RPL18: variants seen among roughly 807,000 people sequenced by gnomAD.
RPL18 encodes ribosomal protein L18.
A neutral mutation model predicts 25.0 loss-of-function variants in RPL18; 4 were observed. The observed-to-expected ratio is 0.16, with a 90% CI of 0.08 to 0.37. The LOEUF is 0.37. Among genes scored for constraint, RPL18 ranks in the 10% least tolerant of loss-of-function variants. RPL18 has a pLI of 1.00. For missense variants in RPL18, 179 were observed against 267.9 expected, an observed-to-expected ratio of 0.67 and a Z score of 2.32; for synonymous variants, 129 against 101.6, an observed-to-expected ratio of 1.27 and a Z score of -1.62.
At chr19:48,619,051 C>G in intron 1 of RPL18, 90 bp downstream of exon 1, 2 of 1,392,028 alleles carry the variant, frequency 1.4e-6, no homozygotes, top group Non-Finnish European at 2.0e-6. Context: ...CAGCCGCAGA[C>G]CCCCTGCCGC....
At chr19:48,617,212 T>C (rs1408877797) in intron 3 of RPL18, 104 bp downstream of exon 3, 1 of 914,422 alleles carries the variant, frequency 1.1e-6, no homozygotes, top group South Asian at 1.3e-5. Flanking sequence ...AGACAAACCC[T>C]TGATGCCCTG....
intron 4 of RPL18, 47 bp downstream of exon 4, chr19:48,616,679 C>T: frequency 7.9e-7 from 1 of 1,272,352 alleles, no homozygotes; most frequent in Non-Finnish European, 1.2e-6. Context: ...CAGCACAGCA[C>T]AGTACAGCAA....
chr19:48,619,044 C>T (rs534494967), intron 1 of RPL18, 97 bp downstream of exon 1: 4 of 1,347,322 alleles, frequency 3.0e-6, no homozygotes, highest in East Asian at 4.9e-5. Context: ...CTCCGGGCAG[C>T]CGCAGACCCC....
chr19:48,616,288 A>G (rs1974169338), intron 4 of RPL18, 86 bp from the exon 5 acceptor site: 1 of 1,549,168 alleles, frequency 6.5e-7, no homozygotes, highest in Non-Finnish European at 8.8e-7. Flanking sequence ...GCCTTGGCGC[A>G]GCAGAGCCCT....
intron 2 of RPL18, 130 bp downstream of exon 2, chr19:48,617,661 T>C: frequency 1.3e-6 from 1 of 743,326 alleles, no homozygotes; most frequent in Non-Finnish European, 2.3e-6. Flanking sequence ...CAGGAGACCC[T>C]GGAACAGAAC....
chr19:48,619,069 C>T (rs919492322), intron 1 of RPL18, 72 bp downstream of exon 1: 7 of 1,539,288 alleles, frequency 4.5e-6, no homozygotes, highest in African/African-American at 4.1e-5. Flanking sequence ...CGCCCTCCAG[C>T]GTGCCCCTAG....
At chr19:48,618,338 G>A (rs1032785026) in intron 1 of RPL18, 1 of 156,318 alleles carries the variant, frequency 6.4e-6, no homozygotes, top group African/African-American at 2.4e-5. Context: ...TTAAAACATC[G>A]TTTTTAAAGT....
intron 1 of RPL18, chr19:48,618,319 A>G (rs1974248299): frequency 6.4e-6 from 1 of 157,070 alleles, no homozygotes; most frequent in Non-Finnish European, 1.4e-5. Context: ...CTTACCAAAT[A>G]GTGTCTTTTT....
At chr19:48,618,787 G>A (rs146455038) in intron 1 of RPL18, 135 of 318,862 alleles carry the variant, frequency 4.2e-4, no homozygotes, top group African/African-American at 2.7e-3. Flanking sequence ...CATCGAACCC[G>A]ACTTTTCATA....
At position 48,619,167 on chromosome 19, in the gene RPL18, G is replaced by A. The variant is rs1334329433; in HGVS notation, c.-24C>T. The A allele has an allele frequency of 3.2e-6, 5 of 1,572,034 alleles. No individual in the cohort carries two copies. The highest frequency in any genetic ancestry group is 1.7e-4 in the Middle Eastern group (1 of 6,008). On this transcript the variant is annotated 5_prime_UTR_variant, in exon 1 of 7. Transcript: ENST00000549920. Reference sequence around the variant, plus strand: ...ATGATGGCGCCTCCTGCTCGGCCAGGTCCGGAAAGAGAGAACGGGCTGGGG... The same window carrying A: ...ATGATGGCGCCTCCTGCTCGGCCAGATCCGGAAAGAGAGAACGGGCTGGGG...
intron 4 of RPL18, 188 bp from the exon 5 acceptor site, chr19:48,616,390 G>A (rs1418561838): frequency 1.4e-6 from 1 of 693,590 alleles, no homozygotes; most frequent in African/African-American, 1.8e-5. Flanking sequence ...CACATCCCTG[G>A]TGTTATGCTA....
rs76204413 is a variant in RPL18 at position 48,618,027 on chromosome 19, C to T, written c.4-150G>A. ...CCACCACCAGGAGACCTGTGGGCTG[C>T]CACTGATCCCTCTGTAAAAAGGGGC... is the stretch of plus-strand genomic sequence containing the variant. On this transcript the variant is annotated intron_variant, in intron 1 of 6. Transcript: ENST00000549920. 75 of 601,936 alleles carry T rather than the reference C, an allele frequency of 1.2e-4. No individual in the cohort carries two copies. The East Asian group carries it at 2.1e-3, about 17-fold the overall frequency. The allele number at this position is 601,936 out of a possible 1,614,324, so 37.3% of individuals were successfully genotyped here.
Position 48,615,903 on chromosome 19 carries a change from G to A in RPL18, c.465C>T (p.Ala155=). Residue 155 remains alanine, a synonymous_variant, in exon 6 of 7, where the codon GCC becomes GCT. Coordinates refer to ENST00000549920, the MANE Select transcript of RPL18 (RefSeq NM_000979.4). ...GREVYRHFGK[A]PGTPHSHTKP... is the part of the protein sequence containing the mutation. ...TGGTGTGGCTGTGCGGGGTTCCTGGGGCCTTGCCGAAATGCCGGTACACCT... is the reference window on the plus strand; with the variant it reads ...TGGTGTGGCTGTGCGGGGTTCCTGGAGCCTTGCCGAAATGCCGGTACACCT... 6.2e-7 allele frequency: 1 copy of A among 1,613,176 alleles called. No homozygotes were observed. The highest frequency in any genetic ancestry group is 8.5e-7 in the Non-Finnish European group (1 of 1,179,660).
At chr19:48,617,953 G>C in intron 1 of RPL18, 76 bp from the exon 2 acceptor site, 2 of 1,165,404 alleles carry the variant, frequency 1.7e-6, no homozygotes, top group Middle Eastern at 1.9e-4. Flanking sequence ...CTGAAACTGA[G>C]AGCTGGGACA....
At chr19:48,615,602 C>A (rs1208521413) in intron 6 of RPL18, 155 bp from the exon 7 acceptor site, 1 of 702,888 alleles carries the variant, frequency 1.4e-6, no homozygotes, top group Non-Finnish European at 2.4e-6. Context: ...CCAGGAGGGG[C>A]TATGGAAGCA....
intron 1 of RPL18, chr19:48,618,807 G>A (rs1974271884): frequency 5.4e-6 from 2 of 372,622 alleles, no homozygotes; most frequent in Admixed American, 4.4e-5. Flanking sequence ...ACTAGAAAGT[G>A]ACAGGTCCAG....
chr19:48,617,745 C>T lies in RPL18; in HGVS notation c.90+46G>A, dbSNP rs748973711. 4 of 1,472,704 alleles carry T rather than the reference C, an allele frequency of 2.7e-6. No individual in the cohort carries two copies. The African/African-American group carries it at 4.2e-5, about 15-fold the overall frequency. 91.2% of individuals were successfully genotyped at this position (1,472,704 alleles called of 1,614,324 possible). On this transcript the variant is annotated intron_variant, in intron 2 of 6. Transcript: ENST00000549920. Reference sequence around the variant, plus strand: ...GCACTAGAATGGAGGATCTGCAAGTCAGACCTGGGGTGACCCTTCCCAAAG... The same window carrying T: ...GCACTAGAATGGAGGATCTGCAAGTTAGACCTGGGGTGACCCTTCCCAAAG...
At chr19:48,619,029 G>A (rs1033842554) in intron 1 of RPL18, 112 bp downstream of exon 1, 2 of 1,155,128 alleles carry the variant, frequency 1.7e-6, no homozygotes, top group Admixed American at 4.0e-5. Flanking sequence ...ATCGGGAATT[G>A]CTCCCTCCGG....
chr19:48,616,143 C>A lies in RPL18; in HGVS notation c.357G>T (p.Lys119Asn), dbSNP rs939229440. 1 of 1,614,152 alleles carries A rather than the reference C, an allele frequency of 6.2e-7. No homozygotes were observed. Among genetic ancestry groups the A allele is most frequent in the African/African-American group, 1.3e-5 (1 of 75,036 alleles). Residue 119 changes from lysine to asparagine, a missense_variant, in exon 5 of 7, where the codon AAG becomes AAT. Transcript: ENST00000549920. ...GGGCCAGCTGGTCGAAAGTGAGGAT[C>A]TTGCCCCCTGCCCTGAGGATGCGGC... ...ARSRILRAGG[K>N]ILTFDQLALD...
Sources: gnomAD v4.1 joint callset for allele counts on GRCh38, gnomAD v4.1.1 for gene constraint, MANE v1.5 for transcripts, NCBI Gene and HGNC (gene_info 2026-07-23, HGNC 2026-07-21) for gene names.